GAREM1: variants seen among roughly 807,000 people sequenced by gnomAD.
GAREM1 encodes GRB2 associated regulator of MAPK1 subtype 1, also known as GRB2-associated and regulator of MAPK protein 1.
A neutral mutation model predicts 71.3 loss-of-function variants in GAREM1; 26 were observed. That is an observed-to-expected ratio of 0.36 (90% confidence interval 0.27 to 0.51). GAREM1 has a LOEUF of 0.51. Ranked by LOEUF, GAREM1 falls within the 20% of genes least tolerant of loss-of-function variation. The pLI is 0.95. For missense variants in GAREM1, 1,026 were observed against 1,103.1 expected, an observed-to-expected ratio of 0.93 and a Z score of 0.99; for synonymous variants, 440 against 433.2, an observed-to-expected ratio of 1.02 and a Z score of -0.20.
chr18:32,301,534 C>A (rs1028125076), intron 3 of GAREM1, among the ~76,000 whole-genome samples: 1 of 152,180 alleles, frequency 6.6e-6, no homozygotes, highest in Non-Finnish European at 1.5e-5. Context: ...AAAACCCATG[C>A]CTCCATTCAA....
intron 2 of GAREM1, among the ~76,000 whole-genome samples, chr18:32,337,848 A>G (rs1392353613): frequency 6.6e-6 from 1 of 152,100 alleles, no homozygotes; most frequent in Non-Finnish European, 1.5e-5. Context: ...CCAGTCTGCC[A>G]CTCGTAACTT....
chr18:32,459,431 T>TGACTTCCTCTTAAC (rs2048931054), intron 1 of GAREM1, among the ~76,000 whole-genome samples: 1 of 152,056 alleles, frequency 6.6e-6, no homozygotes, highest in African/African-American at 2.4e-5. Flanking sequence ...TGTCTCTTAG[T>TGACTTCCTCTTAAC]GGCTGACTTC....
chr18:32,380,474 TAAAAAAAAAAAAA>T lies in GAREM1; in HGVS notation c.262+12408_262+12420del, dbSNP rs35881689. Reference sequence around the variant, plus strand: ...CTGGGCGACAGAGTGAGACTTCATTTAAAAAAAAAAAAAAAAAAAAAAAAGCAAGAAATCAAGT... The same window carrying T: ...CTGGGCGACAGAGTGAGACTTCATTTAAAAAAAAAAAGCAAGAAATCAAGT... On this transcript the variant is annotated intron_variant, in intron 2 of 5. Coordinates refer to ENST00000269209, the MANE Select transcript of GAREM1 (RefSeq NM_001242409.2). Among the ~76,000 whole-genome samples the T allele has an allele frequency of 1.8e-4, 17 of 92,446 alleles. No individual in the cohort carries two copies. In the South Asian group the frequency reaches 6.1e-3, roughly 33 times the overall value. 60.6% of individuals were successfully genotyped at this position (92,446 alleles called of 152,430 possible). A position where few individuals can be genotyped will look rare whatever the true frequency, so the allele number is the denominator to read the frequency against.
At chr18:32,436,027 G>C (rs2048674014) in intron 1 of GAREM1, among the ~76,000 whole-genome samples, 1 of 152,158 alleles carries the variant, frequency 6.6e-6, no homozygotes, top group African/African-American at 2.4e-5. Context: ...GATGAAAACT[G>C]AGAGTAATTT....
Position 32,308,840 on chromosome 18 carries a change from C to T in GAREM1, c.393+1353G>A, listed in dbSNP as rs140717921. Among the ~76,000 whole-genome samples the T allele has an allele frequency of 1.1e-4, 16 of 150,428 alleles. 4 individuals are homozygous for T. Among genetic ancestry groups the T allele is most frequent in the African/African-American group, 3.7e-4 (15 of 40,624 alleles). On this transcript the variant is annotated intron_variant, in intron 3 of 5. Coordinates refer to ENST00000269209, the MANE Select transcript of GAREM1 (RefSeq NM_001242409.2). ...AACTAAAGAGCGTAGACCAAAGCAG[C>T]TGTATTTTGGAACTGGAAGAAGAAA...
At position 32,324,125 on chromosome 18, in the gene GAREM1, G is replaced by A. The variant is rs191293598; in HGVS notation, c.263-13802C>T. ...CAGACCCTAAAGCTACGCTGCCACC[G>A]TACAACTACAGGCAAAAGTGAAGGC... is the stretch of plus-strand genomic sequence containing the variant. On this transcript the variant is annotated intron_variant, in intron 2 of 5. Transcript: ENST00000269209. Among the ~76,000 whole-genome samples, 454 of 152,242 alleles carry A rather than the reference G, an allele frequency of 3.0e-3. 4 individuals carry two copies. Among genetic ancestry groups the A allele is most frequent in the African/African-American group, 0.01 (435 of 41,550 alleles).
intron 2 of GAREM1, among the ~76,000 whole-genome samples, chr18:32,332,675 C>T (rs2047549303): frequency 6.6e-6 from 1 of 152,162 alleles, no homozygotes; most frequent in Admixed American, 6.5e-5. Flanking sequence ...CCAAGCCCAC[C>T]ACACTGTCCC....
chr18:32,438,370 C>T (rs2048700932), intron 1 of GAREM1, among the ~76,000 whole-genome samples: 2 of 152,196 alleles, frequency 1.3e-5, no homozygotes, highest in Admixed American at 6.5e-5. Flanking sequence ...TCACCTTGGC[C>T]ATCTGCCTGG....
chr18:32,459,185 A>T (rs191177718), intron 1 of GAREM1, among the ~76,000 whole-genome samples: 59 of 152,294 alleles, frequency 3.9e-4, no homozygotes, highest in African/African-American at 1.4e-3. Flanking sequence ...TTTGATTTAC[A>T]TCCCATGCCT....
chr18:32,444,981 T>A (rs562957964), intron 1 of GAREM1, among the ~76,000 whole-genome samples: 14 of 152,200 alleles, frequency 9.2e-5, no homozygotes, highest in Admixed American at 9.2e-4. Context: ...GTATCCTGCC[T>A]CCCTTCCCAA....
At chr18:32,372,040 A>C (rs1311754309) in intron 2 of GAREM1, among the ~76,000 whole-genome samples, 1 of 152,234 alleles carries the variant, frequency 6.6e-6, no homozygotes, top group Non-Finnish European at 1.5e-5. Flanking sequence ...GAGACATTTC[A>C]TTGAGTAGCT....
At chr18:32,466,413 T>A (rs1010144369) in intron 1 of GAREM1, among the ~76,000 whole-genome samples, 2 of 152,228 alleles carry the variant, frequency 1.3e-5, no homozygotes, top group Non-Finnish European at 2.9e-5. Flanking sequence ...TTTAGAATGA[T>A]GTAATACTTT....
intron 2 of GAREM1, among the ~76,000 whole-genome samples, chr18:32,324,457 A>G (rs2047456730): frequency 6.6e-6 from 1 of 152,188 alleles, no homozygotes; most frequent in Non-Finnish European, 1.5e-5. Flanking sequence ...TGTGGTTTTC[A>G]TTAGGAAAAA....
At chr18:32,368,187 C>T (rs1285820502) in intron 2 of GAREM1, among the ~76,000 whole-genome samples, 3 of 151,894 alleles carry the variant, frequency 2.0e-5, no homozygotes, top group African/African-American at 7.3e-5. Flanking sequence ...TCATGGTATT[C>T]CTCAATAGAT....
At chr18:32,306,963 G>T (rs974321544) in intron 3 of GAREM1, among the ~76,000 whole-genome samples, 2 of 152,020 alleles carry the variant, frequency 1.3e-5, no homozygotes, top group Non-Finnish European at 2.9e-5. Flanking sequence ...AACACATCAA[G>T]GTATCTTTTA....
chr18:32,458,572 C>T (rs572361374), intron 1 of GAREM1, among the ~76,000 whole-genome samples: 5 of 151,192 alleles, frequency 3.3e-5, no homozygotes, highest in South Asian at 2.1e-4. Context: ...CACAAGAAAC[C>T]GGAAGATTAT....
intron 2 of GAREM1, among the ~76,000 whole-genome samples, chr18:32,364,875 G>GACACACACACACAC (rs35309414): frequency 6.9e-6 from 1 of 144,478 alleles, no homozygotes; most frequent in Admixed American, 6.9e-5. Flanking sequence ...TAAGAGCACA[G>GACACACACACACAC]ACACACACAC....
chr18:32,464,651 G>A (rs148493746), intron 1 of GAREM1, among the ~76,000 whole-genome samples: 34 of 152,182 alleles, frequency 2.2e-4, no homozygotes, highest in Admixed American at 1.2e-3. Flanking sequence ...TACTCAAAAC[G>A]AAACACACTC....
intron 2 of GAREM1, among the ~76,000 whole-genome samples, chr18:32,376,738 T>C (rs1359378324): frequency 6.6e-6 from 1 of 152,058 alleles, no homozygotes; most frequent in Non-Finnish European, 1.5e-5. Flanking sequence ...CTTGGGAGGG[T>C]GAGGCAGAAG....
Sources: gnomAD v4.1 joint callset for allele counts (sites outside exome capture counted in the v4.1 genomes callset) on GRCh38, gnomAD v4.1.1 for gene constraint, MANE v1.5 for transcripts, NCBI Gene and HGNC (gene_info 2026-07-23, HGNC 2026-07-21) for gene names.